The following TAF5 variants were observed in gnomAD, a reference collection of about 807,000 sequenced individuals.
The protein encoded by TAF5 is TATA-box binding protein associated factor 5.
Under a neutral mutation model 80.9 loss-of-function variants are expected in TAF5, and 20 were observed. The observed-to-expected ratio is 0.25, with a 90% CI of 0.17 to 0.36. The LOEUF (loss-of-function observed/expected upper bound fraction) is 0.36. TAF5 is among the 10% of genes least tolerant of loss of function. TAF5 has a pLI of 1.00. For synonymous variants in TAF5, 388 were observed against 406.4 expected, an observed-to-expected ratio of 0.95 and a Z score of 0.55; for missense variants, 863 against 1,029.4, an observed-to-expected ratio of 0.84 and a Z score of 2.21.
chr10:103,379,701 A>G lies in TAF5; in HGVS notation c.1207A>G (p.Lys403Glu), dbSNP rs1216731494. 1 of 1,610,860 alleles carries G rather than the reference A, an allele frequency of 6.2e-7. No individual in the cohort carries two copies. The highest frequency in any genetic ancestry group is 2.2e-5 in the East Asian group (1 of 44,846). Residue 403 changes from lysine to glutamate, a missense_variant, in exon 4 of 11, where the codon AAG (lysine) becomes GAG (glutamate). Transcript: ENST00000369839. The stretch of plus-strand genomic sequence containing the variant: ...AAATGAAGAAGGAAAACCTAAAAAG[A>G]AGAAGCCTAAAAAAGATAGTATTGG... ...GENEEGKPKK[K>E]KPKKDSIGSK...
intron 5 of TAF5, among the ~76,000 whole-genome samples, chr10:103,381,474 C>T (rs915564306): frequency 3.3e-5 from 5 of 152,068 alleles, no homozygotes; most frequent in Non-Finnish European, 5.9e-5. Context: ...ACCATGTTGG[C>T]CAGGCTGGTC....
chr10:103,382,716 C>T (rs757023619), intron 6 of TAF5, among the ~76,000 whole-genome samples: 5 of 151,038 alleles, frequency 3.3e-5, no homozygotes, highest in African/African-American at 4.9e-5. Flanking sequence ...GGTGTGATCA[C>T]GGCTCACTGC....
At chr10:103,385,947 A>AG (rs1191459195) in intron 8 of TAF5, among the ~76,000 whole-genome samples, 23 of 151,188 alleles carry the variant, frequency 1.5e-4, no homozygotes, top group African/African-American at 5.6e-4. Context: ...AAAAAAAAAA[A>AG]AAAAGAAAAG....
chr10:103,373,075 C>T (rs1033992397), intron 1 of TAF5, among the ~76,000 whole-genome samples: 24 of 150,562 alleles, frequency 1.6e-4, no homozygotes, highest in Non-Finnish European at 2.5e-4. Context: ...TGGTGGCACA[C>T]GCTTGTAGTC....
In TAF5 at chr10:103,387,189, A is replaced by G; in HGVS notation, c.1844A>G (p.Asp615Gly). 1.9e-6 allele frequency: 3 copies of G among 1,613,698 alleles called. No homozygotes were observed. Among genetic ancestry groups the G allele is most frequent in the Non-Finnish European group, 2.5e-6 (3 of 1,179,768 alleles). The change falls in exon 9 of 11, where the codon GAC (aspartate) becomes GGC (glycine). Residue 615 changes from aspartate to glycine, a missense_variant. By Grantham distance (94) the Asp-to-Gly change is moderately conservative. Coordinates refer to ENST00000369839, the MANE Select transcript of TAF5 (RefSeq NM_006951.5). Reference protein sequence around the residue: ...HDRVARLWATDHYQPLRIFAG... With the variant: ...HDRVARLWATGHYQPLRIFAG... The stretch of plus-strand genomic sequence containing the variant: ...CTTTATAAAAGGCTCTGGGCTACAG[A>G]CCACTATCAGCCTTTAAGAATATTT...
In TAF5 at chr10:103,388,071, G is replaced by C; in HGVS notation, c.2251G>C (p.Asp751His). 1 of 1,614,080 alleles carries C rather than the reference G, an allele frequency of 6.2e-7. No individual in the cohort carries two copies. The highest frequency in any genetic ancestry group is 1.3e-5 in the African/African-American group (1 of 75,058). The change falls in exon 11 of 11, where the codon GAC becomes CAC. Residue 751 changes from aspartate (D) to histidine (H), a missense_variant. Asp to His is a moderately conservative substitution (Grantham distance 81). Transcript: ENST00000369839. ...IKAFEDLETD[D>H]FTTATGHINL... ...AGCCTTTGAAGATTTAGAGACCGATGACTTTACTACAGCCACTGGGCATAT... is the reference window on the plus strand; with the variant it reads ...AGCCTTTGAAGATTTAGAGACCGATCACTTTACTACAGCCACTGGGCATAT...
chr10:103,381,668 T>C (rs2093383156), intron 5 of TAF5, 53 bp from the exon 6 acceptor site: 1 of 1,593,344 alleles, frequency 6.3e-7, no homozygotes, highest in African/African-American at 1.3e-5. Context: ...ATTTGCTTCC[T>C]ATCTCTAAAT....
At chr10:103,369,838 C>G (rs180790700) in intron 1 of TAF5, among the ~76,000 whole-genome samples, 1 of 152,144 alleles carries the variant, frequency 6.6e-6, no homozygotes, top group Non-Finnish European at 1.5e-5. Context: ...GCTTGAGAGC[C>G]ATGTGTTTAG....
At chr10:103,381,331 A>AT (rs1411763706) in intron 5 of TAF5, among the ~76,000 whole-genome samples, 3 of 151,956 alleles carry the variant, frequency 2.0e-5, no homozygotes, top group Non-Finnish European at 2.9e-5. Context: ...CAGTGGCACG[A>AT]TTTTGGCTCA....
In TAF5 at chr10:103,388,041, A is replaced by G. The variant is rs2093401821; in HGVS notation, c.2221A>G (p.Ile741Val). ...TAATACAGTTCGATTATGGGATGCT[A>G]TCAAAGCCTTTGAAGATTTAGAGAC... ...MDNTVRLWDA[I>V]KAFEDLETDD... The change falls in exon 11 of 11, where the codon ATC becomes GTC. Residue 741 changes from isoleucine (I) to valine (V), a missense_variant. Ile to Val is a conservative substitution (Grantham distance 29). Coordinates refer to ENST00000369839, the MANE Select transcript of TAF5 (RefSeq NM_006951.5). 3 of 1,614,080 alleles carry G rather than the reference A, an allele frequency of 1.9e-6. No homozygotes were observed. Among genetic ancestry groups the G allele is most frequent in the Middle Eastern group, 1.7e-4 (1 of 6,058 alleles).
intron 2 of TAF5, among the ~76,000 whole-genome samples, chr10:103,377,261 C>G (rs1412726865): frequency 6.6e-6 from 1 of 152,158 alleles, no homozygotes; most frequent in Non-Finnish European, 1.5e-5. Flanking sequence ...ACAGTCTCAC[C>G]CCTTGCCAGG....
intron 2 of TAF5, among the ~76,000 whole-genome samples, chr10:103,375,761 T>C (rs2093368834): frequency 6.6e-6 from 1 of 151,820 alleles, no homozygotes; most frequent in Non-Finnish European, 1.5e-5. Context: ...GAAAGGAGTA[T>C]TTAAGAAGGA....
In TAF5 at chr10:103,387,191, C is replaced by T. The variant is rs1011555928; in HGVS notation, c.1846C>T (p.His616Tyr). ...DRVARLWATD[H>Y]YQPLRIFAGH... The stretch of plus-strand genomic sequence containing the variant: ...TTATAAAAGGCTCTGGGCTACAGAC[C>T]ACTATCAGCCTTTAAGAATATTTGC... Residue 616 changes from histidine to tyrosine, a missense_variant, in exon 9 of 11, where the codon CAC (histidine) becomes TAC (tyrosine). By Grantham distance (83) the His-to-Tyr change is moderately conservative (BLOSUM62 2). This residue lies in a region of TAF5 where 368 missense variants were observed against 461.7 expected (regional missense o/e 0.80). Transcript: ENST00000369839. 6.2e-7 allele frequency: 1 copy of T among 1,613,394 alleles called. No homozygotes were observed. The highest frequency in any genetic ancestry group is 8.5e-7 in the Non-Finnish European group (1 of 1,179,624).
chr10:103,384,969 T>G (rs955010076), intron 7 of TAF5, among the ~76,000 whole-genome samples: 2 of 152,232 alleles, frequency 1.3e-5, no homozygotes, highest in Non-Finnish European at 2.9e-5. Context: ...TTAAGTGACA[T>G]ATCACATTTC....
chr10:103,382,557 C>A (rs985260974), intron 6 of TAF5, among the ~76,000 whole-genome samples: 1 of 151,976 alleles, frequency 6.6e-6, no homozygotes. Flanking sequence ...GCCTCCACAC[C>A]CGGCCTGAAA....
chr10:103,380,901 G>A (rs1465394160), intron 5 of TAF5, among the ~76,000 whole-genome samples: 4 of 151,192 alleles, frequency 2.6e-5, no homozygotes, highest in African/African-American at 9.7e-5. Context: ...GATTACAGGC[G>A]TGAGCCACCG....
At chr10:103,373,948 A>G (rs1335485578) in intron 2 of TAF5, among the ~76,000 whole-genome samples, 2 of 152,136 alleles carry the variant, frequency 1.3e-5, no homozygotes, top group East Asian at 3.9e-4. Context: ...GGAGCAGAGA[A>G]TGGGATGGGG....
At chr10:103,380,118 G>A (rs541479774) in intron 5 of TAF5, 99 bp downstream of exon 5, 27 of 1,333,754 alleles carry the variant, frequency 2.0e-5, no homozygotes, top group East Asian at 1.5e-4. Context: ...ATGGAGTTTC[G>A]TTATTTAAAC....
rs1262971573 is a variant in TAF5, at chr10:103,383,377, A to C, written c.1664+10A>C. 1 of 1,576,462 alleles carries C rather than the reference A, an allele frequency of 6.3e-7. No individual in the cohort carries two copies. On this transcript the variant is annotated intron_variant, in intron 7 of 10. Coordinates refer to ENST00000369839, the MANE Select transcript of TAF5 (RefSeq NM_006951.5). ...GCTTCAGTCCGGATAGGTAAAATAC[A>C]AACAATAAAAATTAAATACTGCTAT... is the stretch of plus-strand genomic sequence containing the variant.
Sources: gnomAD v4.1 joint callset for allele counts (sites outside exome capture counted in the v4.1 genomes callset) on GRCh38, gnomAD v4.1.1 for gene constraint, gnomAD v4.1.1 regional missense constraint, MANE v1.5 for transcripts, NCBI Gene and HGNC (gene_info 2026-07-23, HGNC 2026-07-21) for gene names.